RANBP9: variants seen among roughly 807,000 people sequenced by gnomAD.
RANBP9 encodes the protein RAN binding protein 9.
In RANBP9, 15 loss-of-function variants were observed where a neutral mutation model predicts 84.3. The observed-to-expected ratio is 0.18, with a 90% CI of 0.12 to 0.27. The LOEUF is 0.27. RANBP9 is among the 10% of genes least tolerant of loss of function. The probability of loss-of-function intolerance (pLI) is 1.00; values close to 1 mark genes in which losing one functional copy is unlikely to be tolerated. For missense variants in RANBP9, 809 were observed against 912.8 expected, an observed-to-expected ratio of 0.89 and a Z score of 1.46; for synonymous variants, 392 against 349.6, an observed-to-expected ratio of 1.12 and a Z score of -1.35.
chr6:13,664,171 G>A (rs1045814017), intron 2 of RANBP9, among the ~76,000 whole-genome samples: 2 of 152,130 alleles, frequency 1.3e-5, no homozygotes, highest in Admixed American at 6.6e-5. Context: ...TAGGAAGGTT[G>A]CAGGATACAA....
Position 13,637,942 on chromosome 6 carries a change from A to G in RANBP9, c.1539T>C (p.Cys513=), listed in dbSNP as rs1394375774. 6.3e-7 allele frequency: 1 copy of G among 1,595,346 alleles called. No homozygotes were observed. The highest frequency in any genetic ancestry group is 1.8e-5 in the Admixed American group (1 of 54,764). Residue 513 remains cysteine, a synonymous_variant, in exon 10 of 14, where the codon TGT becomes TGC. Transcript: ENST00000011619. ...CTTTATTTGATATTACACCATTACT[A>G]CAACTTTCAAAACCTGAAGAAAAAG... The part of the protein sequence containing the change: ...STAHFSGFES[C]SNGVISNKAH...
intron 1 of RANBP9, among the ~76,000 whole-genome samples, chr6:13,706,172 A>C (rs897594834): frequency 2.6e-5 from 4 of 151,330 alleles, no homozygotes; most frequent in East Asian, 2.0e-4. Flanking sequence ...GTGAAACCCT[A>C]TCTCTACTAA....
intron 2 of RANBP9, among the ~76,000 whole-genome samples, chr6:13,676,587 T>C (rs1026075352): frequency 2.6e-5 from 4 of 151,990 alleles, no homozygotes; most frequent in Non-Finnish European, 5.9e-5. Context: ...CAACAAGGTA[T>C]ACAAGAACTA....
intron 5 of RANBP9, among the ~76,000 whole-genome samples, 161 bp from the exon 6 acceptor site, chr6:13,644,890 A>G (rs749148347): frequency 5.9e-5 from 9 of 152,228 alleles, no homozygotes; most frequent in Non-Finnish European, 8.8e-5. Context: ...AAAATACATT[A>G]TATGTTAGAT....
Position 13,711,685 on chromosome 6 carries a change from T to A in RANBP9, c.-180A>T. On this transcript the variant is annotated 5_prime_UTR_variant, in exon 1 of 14. Transcript: ENST00000011619. Reference sequence around the variant, plus strand: ...GTTGAGGAGCTCGGAGACGCGGGAGTAGGCGGCGGGCCCGGGAGGCCGGGA... The same window carrying A: ...GTTGAGGAGCTCGGAGACGCGGGAGAAGGCGGCGGGCCCGGGAGGCCGGGA... The A allele has an allele frequency of 2.6e-6, 1 of 383,732 alleles. No individual in the cohort carries two copies. Among genetic ancestry groups the A allele is most frequent in the Non-Finnish European group, 4.1e-6 (1 of 243,816 alleles). The allele number at this position is 383,732 out of a possible 1,614,324, so 23.8% of individuals were successfully genotyped here. A position where few individuals can be genotyped will look rare whatever the true frequency, so the allele number is the denominator to read the frequency against.
At chr6:13,635,166 G>A (rs187339181) in intron 10 of RANBP9, among the ~76,000 whole-genome samples, 1 of 152,210 alleles carries the variant, frequency 6.6e-6, no homozygotes. Flanking sequence ...ACACGACAGA[G>A]AGTGAACTCA....
intron 12 of RANBP9, among the ~76,000 whole-genome samples, chr6:13,629,412 C>T (rs372759322): frequency 6.6e-6 from 1 of 152,120 alleles, no homozygotes; most frequent in South Asian, 2.1e-4. Flanking sequence ...GGAGTTAAGG[C>T]ACAAAACTGA....
chr6:13,642,996 C>T (rs1382477616), intron 6 of RANBP9, among the ~76,000 whole-genome samples: 1 of 152,114 alleles, frequency 6.6e-6, no homozygotes, highest in Non-Finnish European at 1.5e-5. Flanking sequence ...TGTAAAATAA[C>T]CAACTTTAAA....
At chr6:13,675,195 T>C (rs1049893828) in intron 2 of RANBP9, among the ~76,000 whole-genome samples, 1 of 152,218 alleles carries the variant, frequency 6.6e-6, no homozygotes. Flanking sequence ...GTATACTTTA[T>C]CCAATAACCG....
At chr6:13,632,843 A>T (rs898210647) in intron 11 of RANBP9, 1 of 168,752 alleles carries the variant, frequency 5.9e-6, no homozygotes, top group African/African-American at 2.7e-5. Flanking sequence ...ACATTTAAAA[A>T]AAAAAAAAAA....
Position 13,697,737 on chromosome 6 carries a change from A to G in RANBP9, c.572-841T>C, listed in dbSNP as rs545565678. Among the ~76,000 whole-genome samples, 16 of 152,352 alleles carry G rather than the reference A, an allele frequency of 1.1e-4. No homozygotes were observed. The East Asian group carries it at 3.1e-3, about 29-fold the overall frequency. On this transcript the variant is annotated intron_variant, in intron 1 of 13. Coordinates refer to ENST00000011619, the MANE Select transcript of RANBP9 (RefSeq NM_005493.3). ...TATGTCCACAAAACCATGGAAGAAT[A>G]AAGAAAGAAGTTGAAGTAGCATGTC...
chr6:13,711,281 C>A lies in RANBP9; in HGVS notation c.225G>T (p.Pro75=). The A allele has an allele frequency of 8.2e-6, 8 of 977,366 alleles. No homozygotes were observed. The highest frequency in any genetic ancestry group is 4.6e-5 in the South Asian group (1 of 21,618). 60.5% of individuals were successfully genotyped at this position (977,366 alleles called of 1,614,324 possible). Residue 75 remains proline, a synonymous_variant, in exon 1 of 14, where the codon CCG becomes CCT. Coordinates refer to ENST00000011619, the MANE Select transcript of RANBP9 (RefSeq NM_005493.3). ...GCGGCGGGGCCGCGGTGGCCGGGGG[C>A]GGCGGCGGCGGAGGGTGGAGGAGCA... ...AALLLHPPPP[P]PPATAAPPPP... is the part of the protein sequence containing the mutation.
At chr6:13,630,787 A>C (rs1171801155) in intron 12 of RANBP9, among the ~76,000 whole-genome samples, 1 of 152,134 alleles carries the variant, frequency 6.6e-6, no homozygotes, top group Non-Finnish European at 1.5e-5. Flanking sequence ...TATTAAACCA[A>C]GCATTAAAGA....
At position 13,711,154 on chromosome 6, in the gene RANBP9, C is replaced by T. The variant is rs1018680709; in HGVS notation, c.352G>A (p.Ala118Thr). Residue 118 changes from alanine (A) to threonine (T), a missense_variant, in exon 1 of 14, where the codon GCC becomes ACC. Coordinates refer to ENST00000011619, the MANE Select transcript of RANBP9 (RefSeq NM_005493.3). ...CCCGCCACCAGAGCTGGGGTCGGGG[C>T]TCCTCCAGCCGGGCCGGGGCCCGCT... ...LAAGPGPAGG[A>T]PTPALVAGSS... The T allele has an allele frequency of 4.0e-6, 6 of 1,487,294 alleles. No individual in the cohort carries two copies. In the African/African-American group the frequency reaches 4.4e-5, roughly 11 times the overall value. 92.1% of individuals were successfully genotyped at this position (1,487,294 alleles called of 1,614,324 possible). A position where few individuals can be genotyped will look rare whatever the true frequency, so the allele number is the denominator to read the frequency against.
intron 6 of RANBP9, 121 bp downstream of exon 6, chr6:13,644,419 AATAAT>A (rs1172483709): frequency 3.4e-6 from 3 of 893,134 alleles, no homozygotes; most frequent in African/African-American, 3.6e-5. Context: ...GATTAAAATC[AATAAT>A]ATAATAGATA....
chr6:13,672,686 A>G (rs1239741956), intron 2 of RANBP9, among the ~76,000 whole-genome samples: 2 of 152,200 alleles, frequency 1.3e-5, no homozygotes, highest in Non-Finnish European at 2.9e-5. Flanking sequence ...AGACAAAGCA[A>G]GCATCGAAAC....
At chr6:13,704,330 A>AT (rs1459656650) in intron 1 of RANBP9, among the ~76,000 whole-genome samples, 6 of 152,206 alleles carry the variant, frequency 3.9e-5, no homozygotes, top group African/African-American at 1.4e-4. Context: ...AAAATATTCC[A>AT]TAGGGCTCCT....
intron 1 of RANBP9, among the ~76,000 whole-genome samples, chr6:13,708,847 A>G (rs1025617638): frequency 6.6e-6 from 1 of 151,914 alleles, no homozygotes; most frequent in Non-Finnish European, 1.5e-5. Context: ...ACACACACAC[A>G]GTCTACAGTA....
Position 13,644,742 on chromosome 6 carries a change from A to G in RANBP9, c.928-13T>C, listed in dbSNP as rs760340397. 3.9e-6 allele frequency: 6 copies of G among 1,547,678 alleles called. No individual in the cohort carries two copies. The highest frequency in any genetic ancestry group is 2.3e-5 in the East Asian group (1 of 43,434). On this transcript the variant is annotated splice_polypyrimidine_tract_variant and intron_variant, in intron 5 of 13. Coordinates refer to ENST00000011619, the MANE Select transcript of RANBP9 (RefSeq NM_005493.3). ...GATACAAATTTGGCTGTAAGATAGCATATTTCATTAAACATCTATCCATTT... is the reference window on the plus strand; with the variant it reads ...GATACAAATTTGGCTGTAAGATAGCGTATTTCATTAAACATCTATCCATTT...
Sources: allele counts gnomAD v4.1 joint callset (sites outside exome capture counted in the v4.1 genomes callset), GRCh38; gene constraint gnomAD v4.1.1; transcripts MANE v1.5; gene names NCBI Gene and HGNC (gene_info 2026-07-23, HGNC 2026-07-21).